The following ALDH1A1 variants were observed in gnomAD, a reference collection of about 807,000 sequenced individuals.
ALDH1A1 encodes the protein aldehyde dehydrogenase 1 family member A1.
In ALDH1A1, 19 loss-of-function variants were observed where a neutral mutation model predicts 62.1. The ratio of observed to expected loss-of-function variants is 0.31; its 90% CI spans 0.21 to 0.45. ALDH1A1 has a LOEUF of 0.45. Among genes scored for constraint, ALDH1A1 ranks in the 20% least tolerant of loss-of-function variants. The probability of loss-of-function intolerance (pLI) is 1.00; values close to 1 mark genes in which losing one functional copy is unlikely to be tolerated. For synonymous variants in ALDH1A1, 231 were observed against 215.9 expected, an observed-to-expected ratio of 1.07 and a Z score of -0.61; for missense variants, 521 against 607.1, an observed-to-expected ratio of 0.86 and a Z score of 1.49.
Position 72,902,515 on chromosome 9 carries a change from G to A in ALDH1A1, c.1434-1235C>T, listed in dbSNP as rs115952125. On this transcript the variant is annotated intron_variant, in intron 12 of 12. Transcript: ENST00000297785. ...AGCTTCAGTGAGCATGGTCCTTAAA[G>A]TAATTAAAGGGCTTAGCCTCAGTTG... 7.1e-3 allele frequency among the ~76,000 whole-genome samples: 1,087 copies of A among 152,070 alleles called. 10 individuals carry two copies. Among genetic ancestry groups the A allele is most frequent in the African/African-American group, 0.025 (1,041 of 41,514 alleles).
intron 1 of ALDH1A1, among the ~76,000 whole-genome samples, chr9:72,945,797 A>G (rs1830467397): frequency 6.6e-6 from 1 of 152,000 alleles, no homozygotes; most frequent in Admixed American, 6.6e-5. Flanking sequence ...ACTCAAAGTT[A>G]GAAAATGTAA....
intron 12 of ALDH1A1, among the ~76,000 whole-genome samples, chr9:72,905,454 GTAA>G (rs1829866506): frequency 6.6e-6 from 1 of 151,810 alleles, no homozygotes; most frequent in Non-Finnish European, 1.5e-5. Context: ...ACTTCTTATG[GTAA>G]TAAAAAATGT....
At chr9:72,911,904 A>T in intron 10 of ALDH1A1, 54 bp downstream of exon 10, 1 of 1,601,258 alleles carries the variant, frequency 6.2e-7, no homozygotes, top group East Asian at 2.2e-5. Context: ...TTGTATACAC[A>T]CAAACAGACA....
intron 10 of ALDH1A1, among the ~76,000 whole-genome samples, chr9:72,911,575 C>T (rs1299420816): frequency 1.3e-5 from 2 of 152,140 alleles, no homozygotes; most frequent in African/African-American, 4.8e-5. Context: ...GAGTTCTACT[C>T]TTTGAGATCC....
chr9:72,933,776 T>C (rs1830314271), intron 2 of ALDH1A1, among the ~76,000 whole-genome samples: 1 of 152,092 alleles, frequency 6.6e-6, no homozygotes, highest in Non-Finnish European at 1.5e-5. Context: ...ACTTTAAATT[T>C]TAATATAACT....
intron 3 of ALDH1A1, among the ~76,000 whole-genome samples, chr9:72,930,634 G>A (rs1257810444): frequency 3.9e-5 from 6 of 152,084 alleles, no homozygotes; most frequent in Admixed American, 3.9e-4. Flanking sequence ...GTTTAACTTG[G>A]GTTTGCTAAA....
At chr9:72,948,483 T>C (rs1465148623) in intron 1 of ALDH1A1, among the ~76,000 whole-genome samples, 2 of 151,920 alleles carry the variant, frequency 1.3e-5, no homozygotes, top group Non-Finnish European at 2.9e-5. Context: ...GATAGTTCTT[T>C]GAGCATAACA....
chr9:72,918,679 A>T lies in ALDH1A1; in HGVS notation c.850+41T>A, dbSNP rs779770397. 37 of 1,209,378 alleles carry T rather than the reference A, an allele frequency of 3.1e-5. 1 individual carries two copies. Among genetic ancestry groups the T allele is most frequent in the Middle Eastern group, 2.0e-4 (1 of 4,932 alleles). The allele number at this position is 1,209,378 out of a possible 1,614,324, so 74.9% of individuals were successfully genotyped here. ...CTTTTGGCATTATCAGACACCAAAA[A>T]CGATGAAGGACGAAAAGTTAACAAA... On this transcript the variant is annotated intron_variant, in intron 8 of 12. Transcript: ENST00000297785.
chr9:72,938,333 C>A (rs1249898636), intron 2 of ALDH1A1, among the ~76,000 whole-genome samples: 3 of 149,824 alleles, frequency 2.0e-5, no homozygotes, highest in Non-Finnish European at 4.4e-5. Flanking sequence ...GCAGAAAAAT[C>A]ATTTCAAATT....
chr9:72,944,106 G>T (rs1284882306), intron 1 of ALDH1A1, among the ~76,000 whole-genome samples: 2 of 152,066 alleles, frequency 1.3e-5, no homozygotes, highest in African/African-American at 4.8e-5. Flanking sequence ...GATCCCCAGA[G>T]AAAGAAGTTT....
intron 12 of ALDH1A1, among the ~76,000 whole-genome samples, chr9:72,903,622 A>AC (rs913580448): frequency 1.3e-5 from 2 of 149,722 alleles, no homozygotes; most frequent in Non-Finnish European, 3.0e-5. Flanking sequence ...AAAAAAAAAA[A>AC]CCCACAACTT....
chr9:72,944,725 T>C (rs992760652), intron 1 of ALDH1A1, among the ~76,000 whole-genome samples: 4 of 152,106 alleles, frequency 2.6e-5, no homozygotes, highest in Non-Finnish European at 4.4e-5. Flanking sequence ...GGAAAAGAGA[T>C]GATACTATAA....
chr9:72,909,737 A>G lies in ALDH1A1; in HGVS notation c.1223T>C (p.Ile408Thr), dbSNP rs2118491705. Residue 408 changes from isoleucine to threonine, a missense_variant, in exon 11 of 13, where the codon ATC becomes ACC. Coordinates refer to ENST00000297785, the MANE Select transcript of ALDH1A1 (RefSeq NM_000689.5). ...KEEIFGPVQQ[I>T]MKFKSLDDVI... ...GTCATCTAAAGATTTAAACTTCATGATTTGCTGCACTGGTCCAAAAATCTA... is the reference window on the plus strand; with the variant it reads ...GTCATCTAAAGATTTAAACTTCATGGTTTGCTGCACTGGTCCAAAAATCTA... 1 of 1,613,248 alleles carries G rather than the reference A, an allele frequency of 6.2e-7. No homozygotes were observed. The highest frequency in any genetic ancestry group is 1.7e-4 in the Middle Eastern group (1 of 6,000).
chr9:72,908,055 T>C (rs1291476966), intron 11 of ALDH1A1, among the ~76,000 whole-genome samples: 2 of 151,402 alleles, frequency 1.3e-5, no homozygotes, highest in Non-Finnish European at 2.9e-5. Flanking sequence ...CCCAAATCAG[T>C]TTATACATTT....
At chr9:72,925,684 A>G (rs1830196221) in intron 5 of ALDH1A1, 72 bp from the exon 6 acceptor site, 1 of 1,511,642 alleles carries the variant, frequency 6.6e-7, no homozygotes, top group Non-Finnish European at 9.1e-7. Flanking sequence ...CTTCCATATT[A>G]TACACCCCCT....
chr9:72,932,595 A>T (rs543199074), intron 2 of ALDH1A1, among the ~76,000 whole-genome samples: 2 of 152,340 alleles, frequency 1.3e-5, no homozygotes, highest in Non-Finnish European at 2.9e-5. Context: ...TCAGAGAATG[A>T]TGATATATAC....
intron 2 of ALDH1A1, among the ~76,000 whole-genome samples, chr9:72,937,477 C>A (rs1026778622): frequency 6.6e-6 from 1 of 152,144 alleles, no homozygotes; most frequent in Non-Finnish European, 1.5e-5. Context: ...ATGCCTGGCA[C>A]CGTTGAAGAG....
At chr9:72,921,629 G>A (rs957404187) in intron 7 of ALDH1A1, among the ~76,000 whole-genome samples, 10 of 144,492 alleles carry the variant, frequency 6.9e-5, no homozygotes, top group African/African-American at 2.6e-4. Context: ...ACCCACTAAT[G>A]TGTCATCTAG....
intron 2 of ALDH1A1, 40 bp from the exon 3 acceptor site, chr9:72,931,059 A>G (rs757595686): frequency 1.1e-5 from 17 of 1,612,088 alleles, no homozygotes; most frequent in Non-Finnish European, 1.4e-5. Flanking sequence ...AGCTAAACAT[A>G]TTAGGCAAGC....
Sources: allele counts gnomAD v4.1 joint callset (sites outside exome capture counted in the v4.1 genomes callset), GRCh38; gene constraint gnomAD v4.1.1; transcripts MANE v1.5; gene names NCBI Gene and HGNC (gene_info 2026-07-23, HGNC 2026-07-21).